XBP1: variants seen among roughly 807,000 people sequenced by gnomAD.
The protein encoded by XBP1 is X-box-binding protein 1.
A neutral mutation model predicts 34.6 loss-of-function variants in XBP1; 18 were observed. That is an observed-to-expected ratio of 0.52 (90% confidence interval 0.36 to 0.77). The LOEUF (loss-of-function observed/expected upper bound fraction) is 0.77. XBP1 is among the 30% of genes least tolerant of loss of function. The pLI is 0.00. For missense variants in XBP1, 422 were observed against 464.6 expected, an observed-to-expected ratio of 0.91 and a Z score of 0.84; for synonymous variants, 191 against 193.4, an observed-to-expected ratio of 0.99 and a Z score of 0.11.
At chr22:28,795,673 A>G (rs1417262559) in exon 6 of XBP1, 1 of 1,585,338 alleles carries the variant, frequency 6.3e-7, no homozygotes, top group East Asian at 2.2e-5. Flanking sequence ...GCTCTGGGGA[A>G]GGGCATTTGA....
exon 1 of XBP1, chr22:28,800,515 C>T: frequency 6.7e-7 from 1 of 1,491,490 alleles, no homozygotes; most frequent in Non-Finnish European, 8.8e-7. Flanking sequence ...GCGGCTGCCA[C>T]CACCACCATA....
chr22:28,800,166 C>T, intron 1 of XBP1, 132 bp downstream of exon 1: 1 of 1,104,994 alleles, frequency 9.0e-7, no homozygotes, highest in South Asian at 1.5e-5. Context: ...ACGCTGGCAC[C>T]GACCCGCCAG....
chr22:28,798,668 G>C (rs1182377527), intron 2 of XBP1, among the ~76,000 whole-genome samples: 2 of 146,662 alleles, frequency 1.4e-5, no homozygotes, highest in African/African-American at 2.5e-5. Context: ...GGAGTGCAGT[G>C]GTGCGATCTC....
rs752170397 is a variant in XBP1, at chr22:28,796,043, C to G, written c.573+4G>C. 7.4e-6 allele frequency: 12 copies of G among 1,614,144 alleles called. No individual in the cohort carries two copies. The South Asian group carries it at 1.1e-4, about 15-fold the overall frequency. ...GCTCTTTAATAAGTCAGAATGATCCCTACCTCTGAATCTGAAGAGTCAATA... is the reference window on the plus strand; with the variant it reads ...GCTCTTTAATAAGTCAGAATGATCCGTACCTCTGAATCTGAAGAGTCAATA... On this transcript the variant is annotated splice_donor_region_variant and intron_variant, in intron 5 of 5. Coordinates refer to ENST00000344347, the Ensembl canonical transcript of XBP1.
exon 6 of XBP1, chr22:28,795,543 G>A (rs372216304): frequency 3.7e-5 from 60 of 1,614,036 alleles, no homozygotes; most frequent in Admixed American, 1.7e-4. Flanking sequence ...TGGTCAAAAC[G>A]AATTAGTTCA....
exon 6 of XBP1, chr22:28,795,187 C>G: frequency 6.6e-7 from 1 of 1,511,262 alleles, no homozygotes. Flanking sequence ...AGACACTAAT[C>G]AGCTGGGGAA....
chr22:28,795,937 C>T, intron 5 of XBP1, 110 bp downstream of exon 5: 1 of 1,454,288 alleles, frequency 6.9e-7, no homozygotes. Context: ...CACCTCCAAC[C>T]CCACCAAAAA....
At chr22:28,797,151 C>T (rs775966832) in exon 3 of XBP1, 6 of 1,613,638 alleles carry the variant, frequency 3.7e-6, no homozygotes, top group Non-Finnish European at 5.1e-6. Flanking sequence ...TTCTCAACTA[C>T]AAGGCCATGA....
chr22:28,800,453 G>T (rs1325471706), exon 1 of XBP1: 6 of 1,471,616 alleles, frequency 4.1e-6, no homozygotes, highest in Admixed American at 2.7e-5. Context: ...CGGCGGAGGC[G>T]GGCTGCCCCG....
rs2031768257 is a variant in XBP1, at chr22:28,797,243, A to G, written c.325-38T>C. 4.4e-6 allele frequency: 7 copies of G among 1,597,444 alleles called. 1 individual carries two copies. In the African/African-American group the frequency reaches 6.8e-5, roughly 15 times the overall value. On this transcript the variant is annotated intron_variant, in intron 2 of 5. Transcript: ENST00000344347. ...TCATAAGAGGCTATTAAAACATCTA[A>G]TTATTTCAGTTAAGAATCTACCTGA...
chr22:28,798,117 G>C (rs1174835906), intron 2 of XBP1, among the ~76,000 whole-genome samples: 1 of 152,156 alleles, frequency 6.6e-6, no homozygotes, highest in Non-Finnish European at 1.5e-5. Flanking sequence ...GCCATGCCAG[G>C]AAGAATGTAA....
chr22:28,795,267 G>A (rs2031724993), exon 6 of XBP1: 1 of 1,551,768 alleles, frequency 6.4e-7, no homozygotes, highest in South Asian at 1.2e-5. Flanking sequence ...TCACTGAATG[G>A]GGAAAGGGAA....
At chr22:28,794,936 C>T (rs1463950614), downstream of XBP1, 1 of 374,312 alleles carries the variant, frequency 2.7e-6, no homozygotes, top group African/African-American at 2.1e-5. Flanking sequence ...ATCTTAAAAG[C>T]TGTAGTTCTC....
exon 6 of XBP1, chr22:28,795,690 T>A (rs1411043603): frequency 6.4e-7 from 1 of 1,566,976 alleles, no homozygotes; most frequent in African/African-American, 1.4e-5. Flanking sequence ...TTGAAGAACA[T>A]GACTGGGTCC....
At chr22:28,799,967 C>T in intron 1 of XBP1, 1 of 779,350 alleles carries the variant, frequency 1.3e-6, no homozygotes, top group Non-Finnish European at 2.4e-6. Context: ...GACCTCATGT[C>T]CGAGTTAAGA....
At chr22:28,798,819 C>A in intron 2 of XBP1, 3 of 181,476 alleles carry the variant, frequency 1.7e-5, no homozygotes, top group East Asian at 1.2e-4. Flanking sequence ...CGGGATTTTA[C>A]CATGTTGGCT....
At chr22:28,795,944 A>G (rs35873774) in intron 5 of XBP1, 103 bp downstream of exon 5, 82,509 of 1,504,106 alleles carry the variant, frequency 0.055, 2,629 homozygotes, top group Non-Finnish European at 0.064. Flanking sequence ...AACCCCACCA[A>G]AAACTAACTT....
intron 1 of XBP1, chr22:28,799,955 T>C (rs1183082281): frequency 1.3e-6 from 1 of 779,298 alleles, no homozygotes; most frequent in Admixed American, 1.7e-5. Flanking sequence ...AACAGATTAT[T>C]CGACCTCATG....
intron 5 of XBP1, 28 bp from the exon 6 acceptor site, chr22:28,795,760 A>T (rs2031738682): frequency 1.3e-6 from 2 of 1,516,462 alleles, no homozygotes; most frequent in Non-Finnish European, 1.8e-6. Context: ...TAAATGAAGT[A>T]CAACTGTCAG....
Sources: gnomAD v4.1 joint callset for allele counts (sites outside exome capture counted in the v4.1 genomes callset) on GRCh38, gnomAD v4.1.1 for gene constraint, MANE v1.5 for transcripts, NCBI Gene and HGNC (gene_info 2026-07-23, HGNC 2026-07-21) for gene names.